The following AGBL4 variants were observed in gnomAD, a reference collection of about 807,000 sequenced individuals.
The protein encoded by AGBL4 is AGBL carboxypeptidase 4.
In AGBL4, 58 loss-of-function variants were observed where a neutral mutation model predicts 66.4. The ratio of observed to expected loss-of-function variants is 0.87; its 90% CI spans 0.71 to 1.09. The LOEUF is 1.09. Ranked by LOEUF, AGBL4 falls within the 50% of genes least tolerant of loss-of-function variation. AGBL4 has a pLI of 0.00. For missense variants in AGBL4, 579 were observed against 631.0 expected, an observed-to-expected ratio of 0.92 and a Z score of 0.88; for synonymous variants, 234 against 222.9, an observed-to-expected ratio of 1.05 and a Z score of -0.44.
At chr1:49,209,681 G>T (rs1480485862) in intron 4 of AGBL4, among the ~76,000 whole-genome samples, 1 of 152,046 alleles carries the variant, frequency 6.6e-6, no homozygotes, top group Non-Finnish European at 1.5e-5. Context: ...AAAGTGGTCA[G>T]CTGGGAACTT....
chr1:49,509,636 A>C (rs1214650527), intron 3 of AGBL4, among the ~76,000 whole-genome samples: 1 of 152,002 alleles, frequency 6.6e-6, no homozygotes, highest in Admixed American at 6.6e-5. Context: ...GTTTCTAAGC[A>C]GGAATATGAC....
chr1:48,646,026 C>T (rs1169754187), intron 8 of AGBL4, among the ~76,000 whole-genome samples: 1 of 152,050 alleles, frequency 6.6e-6, no homozygotes, highest in African/African-American at 2.4e-5. Flanking sequence ...ATGGGCTGGC[C>T]TTGAATAATC....
intron 3 of AGBL4, among the ~76,000 whole-genome samples, chr1:49,384,427 A>G (rs1174325682): frequency 2.6e-5 from 4 of 151,760 alleles, no homozygotes; most frequent in Admixed American, 2.0e-4. Flanking sequence ...CCCTGTCTCT[A>G]CTAAAAAATA....
At chr1:49,236,114 C>T (rs1055843939) in intron 4 of AGBL4, among the ~76,000 whole-genome samples, 1 of 152,060 alleles carries the variant, frequency 6.6e-6, no homozygotes. Flanking sequence ...ACTGCAACCT[C>T]CTCCTCCCAG....
chr1:50,022,955 G>T (rs1006148496), intron 1 of AGBL4, among the ~76,000 whole-genome samples: 1 of 152,128 alleles, frequency 6.6e-6, no homozygotes, highest in African/African-American at 2.4e-5. Context: ...TATGCACAAG[G>T]GGTCCCCTCA....
intron 6 of AGBL4, chr1:48,758,791 C>T: frequency 9.9e-7 from 1 of 1,006,368 alleles, no homozygotes; most frequent in Non-Finnish European, 1.4e-6. Flanking sequence ...TCTGTCCTTC[C>T]CTAGCCTCAG....
At chr1:49,277,837 G>A (rs1644199763) in intron 3 of AGBL4, among the ~76,000 whole-genome samples, 1 of 151,502 alleles carries the variant, frequency 6.6e-6, no homozygotes, top group South Asian at 2.1e-4. Flanking sequence ...TTCCCATATT[G>A]TTTTCTCTGT....
Position 49,728,619 on chromosome 1 carries a change from G to C in AGBL4, c.158-31182C>G, listed in dbSNP as rs149421016. Among the ~76,000 whole-genome samples the C allele has an allele frequency of 2.0e-5, 3 of 152,274 alleles. No individual in the cohort carries two copies. In the East Asian group the frequency reaches 5.8e-4, roughly 29 times the overall value. On this transcript the variant is annotated intron_variant, in intron 2 of 13. Coordinates refer to ENST00000371839, the MANE Select transcript of AGBL4 (RefSeq NM_032785.4). ...AGAAATGCGATGACACACTCTTTTG[G>C]TGAGGTAAACAGGAATATGGGGCTG...
chr1:48,875,038 A>G (rs569717496), intron 5 of AGBL4, among the ~76,000 whole-genome samples: 15 of 152,176 alleles, frequency 9.9e-5, no homozygotes, highest in South Asian at 2.1e-4. Flanking sequence ...ACAAATACCA[A>G]TGAAGCATTT....
At chr1:49,703,528 A>G (rs1647140687) in intron 2 of AGBL4, among the ~76,000 whole-genome samples, 1 of 151,832 alleles carries the variant, frequency 6.6e-6, no homozygotes, top group Non-Finnish European at 1.5e-5. Flanking sequence ...TCATGATTAA[A>G]AAAAAAAAAC....
intron 3 of AGBL4, among the ~76,000 whole-genome samples, chr1:49,323,892 C>A (rs1645177320): frequency 6.6e-6 from 1 of 152,124 alleles, no homozygotes; most frequent in East Asian, 1.9e-4. Context: ...CCTTTGTACT[C>A]TCTTAGCATT....
At chr1:49,567,511 T>A (rs1644237051) in intron 3 of AGBL4, among the ~76,000 whole-genome samples, 1 of 152,220 alleles carries the variant, frequency 6.6e-6, no homozygotes, top group African/African-American at 2.4e-5. Context: ...AAATTTTACT[T>A]ACATATAATA....
At chr1:49,675,012 T>C (rs1193759141) in intron 3 of AGBL4, among the ~76,000 whole-genome samples, 2 of 152,184 alleles carry the variant, frequency 1.3e-5, no homozygotes, top group African/African-American at 4.8e-5. Flanking sequence ...CAATAGGTAC[T>C]GTCTAAACTG....
intron 6 of AGBL4, among the ~76,000 whole-genome samples, chr1:48,673,821 C>T (rs1345794902): frequency 2.6e-5 from 4 of 152,236 alleles, no homozygotes; most frequent in African/African-American, 9.6e-5. Flanking sequence ...CAGGACTATA[C>T]AGTTTATGAA....
intron 1 of AGBL4, among the ~76,000 whole-genome samples, chr1:49,892,894 C>T (rs889740035): frequency 6.6e-6 from 1 of 152,104 alleles, no homozygotes; most frequent in Non-Finnish European, 1.5e-5. Context: ...TGGTAGTCTG[C>T]TACTGACTAC....
At chr1:49,467,724 C>T (rs1323245791) in intron 3 of AGBL4, among the ~76,000 whole-genome samples, 1 of 151,816 alleles carries the variant, frequency 6.6e-6, no homozygotes, top group East Asian at 1.9e-4. Flanking sequence ...TTGGACTTCA[C>T]GATTTCTTAA....
chr1:48,806,101 C>G (rs538233728), intron 6 of AGBL4, among the ~76,000 whole-genome samples: 9 of 152,164 alleles, frequency 5.9e-5, no homozygotes, highest in Non-Finnish European at 1.2e-4. Flanking sequence ...TTCGGTTCAG[C>G]AAGGATGGAA....
chr1:49,318,189 C>G (rs1334937392), intron 3 of AGBL4, among the ~76,000 whole-genome samples: 1 of 151,936 alleles, frequency 6.6e-6, no homozygotes, highest in Non-Finnish European at 1.5e-5. Flanking sequence ...TATACCCTTA[C>G]ATAGCTATGT....
At chr1:48,704,272 C>G (rs1158175262) in intron 6 of AGBL4, among the ~76,000 whole-genome samples, 1 of 152,218 alleles carries the variant, frequency 6.6e-6, no homozygotes, top group Non-Finnish European at 1.5e-5. Flanking sequence ...GCTTGAAGAA[C>G]TGGCGGTGGT....
Sources: gnomAD v4.1 joint callset for allele counts (sites outside exome capture counted in the v4.1 genomes callset) on GRCh38, gnomAD v4.1.1 for gene constraint, MANE v1.5 for transcripts, NCBI Gene and HGNC (gene_info 2026-07-23, HGNC 2026-07-21) for gene names.